The following BECN1 variants were observed in gnomAD, a reference collection of about 807,000 sequenced individuals.
BECN1 encodes beclin 1.
BECN1 carries 15 observed loss-of-function variants against 60.1 expected under a neutral mutation model. The ratio of observed to expected loss-of-function variants is 0.25; its 90% confidence interval spans 0.17 to 0.38. The LOEUF (loss-of-function observed/expected upper bound fraction) is 0.38, where lower values mean the gene tolerates loss of function less well. Ranked by LOEUF, BECN1 falls within the 10% of genes least tolerant of loss-of-function variation. The pLI is 1.00. For synonymous variants in BECN1, 179 were observed against 201.8 expected, an observed-to-expected ratio of 0.89 and a Z score of 0.96; for missense variants, 424 against 548.2, an observed-to-expected ratio of 0.77 and a Z score of 2.26.
chr17:42,812,049 T>G, intron 10 of BECN1: 1 of 436,342 alleles, frequency 2.3e-6, no homozygotes. Context: ...AAAATCCAAA[T>G]TGCTACAAAA....
chr17:42,814,287 A>C (rs1276320969), intron 9 of BECN1: 3 of 590,590 alleles, frequency 5.1e-6, no homozygotes, highest in Non-Finnish European at 8.7e-6. Context: ...AGGAACACTA[A>C]GGCTCTGGGG....
At position 42,820,830 on chromosome 17, in the gene BECN1, T is replaced by C; in HGVS notation, c.142A>G (p.Thr48Ala). 1.3e-6 allele frequency: 2 copies of C among 1,598,052 alleles called. No individual in the cohort carries two copies. Among genetic ancestry groups the C allele is most frequent in the Non-Finnish European group, 1.7e-6 (2 of 1,171,332 alleles). Reference sequence around the variant, plus strand: ...TCTCCTGGTTTCGCCTGGGCTGTGGTAAGTAATGGAGCTAAGGGCAAGGAA... The same window carrying C: ...TCTCCTGGTTTCGCCTGGGCTGTGGCAAGTAATGGAGCTAAGGGCAAGGAA... ...TIQELTAPLL[T>A]TAQAKPGETQ... Residue 48 changes from threonine (T) to alanine (A), a missense_variant, in exon 3 of 12, where the codon ACC (threonine) becomes GCC (alanine). Thr to Ala is a moderately conservative substitution (Grantham distance 58, BLOSUM62 0). Around this residue, in one of 3 missense-constraint regions of BECN1, gnomAD observed 96 missense variants for 125.6 expected, o/e 0.76. Coordinates refer to ENST00000590099, the MANE Select transcript of BECN1 (RefSeq NM_001313998.2).
chr17:42,817,316 A>C (rs1009458450), intron 7 of BECN1, among the ~76,000 whole-genome samples: 1 of 152,056 alleles, frequency 6.6e-6, no homozygotes, highest in Non-Finnish European at 1.5e-5. Context: ...AAAACAAAAA[A>C]ACAGTGGCTT....
intron 8 of BECN1, among the ~76,000 whole-genome samples, chr17:42,815,334 C>A (rs1385681993): frequency 6.6e-6 from 1 of 152,020 alleles, no homozygotes; most frequent in Non-Finnish European, 1.5e-5. Context: ...CTGCTAGGAA[C>A]AACCCCCTCT....
At chr17:42,819,701 T>C in intron 3 of BECN1, 92 bp from the exon 4 acceptor site, 1 of 1,283,510 alleles carries the variant, frequency 7.8e-7, no homozygotes, top group South Asian at 1.3e-5. Context: ...GCTTTAGTCT[T>C]GATAACCACA....
At chr17:42,823,567 A>G in intron 2 of BECN1, 181 bp downstream of exon 2, 1 of 919,376 alleles carries the variant, frequency 1.1e-6, no homozygotes, top group African/African-American at 1.7e-5. Flanking sequence ...AAGCTCTCAG[A>G]AGTCCACAAT....
chr17:42,814,100 G>A, intron 9 of BECN1, 92 bp from the exon 10 acceptor site: 2 of 854,804 alleles, frequency 2.3e-6, no homozygotes, highest in Non-Finnish European at 3.6e-6. Context: ...TCTTCATTCT[G>A]GCCAAGGGCT....
chr17:42,823,502 C>T (rs898197610), intron 2 of BECN1, among the ~76,000 whole-genome samples: 1 of 152,212 alleles, frequency 6.6e-6, no homozygotes, highest in Non-Finnish European at 1.5e-5. Flanking sequence ...GATCTGCCCG[C>T]CTCGGTCTCC....
At position 42,818,391 on chromosome 17, in the gene BECN1, T is replaced by C. The variant is rs552940321; in HGVS notation, c.513A>G (p.Gln171=). ...ACTGTTCACTGTCATCCTCATTCAT[T>C]TGCTCTAAGATCTCCAAACAGCGTC... The part of the protein sequence containing the change: ...NYKRCLEILE[Q]MNEDDSEQLQ... Residue 171 remains glutamine, a synonymous_variant, in exon 7 of 12, where the codon CAA becomes CAG. Transcript: ENST00000590099. 1 of 1,614,226 alleles carries C rather than the reference T, an allele frequency of 6.2e-7. No individual in the cohort carries two copies. Among genetic ancestry groups the C allele is most frequent in the African/African-American group, 1.3e-5 (1 of 75,054 alleles).
chr17:42,823,268 T>A (rs1319808647), intron 2 of BECN1, among the ~76,000 whole-genome samples: 1 of 152,206 alleles, frequency 6.6e-6, no homozygotes, highest in Non-Finnish European at 1.5e-5. Context: ...AAGCTCTCTT[T>A]TTTTGAGACG....
chr17:42,814,845 C>T (rs2055112025), intron 8 of BECN1, 172 bp from the exon 9 acceptor site: 2 of 821,180 alleles, frequency 2.4e-6, no homozygotes, highest in Admixed American at 2.8e-5. Flanking sequence ...TTTTTCCCTG[C>T]TGCTCAGATG....
intron 10 of BECN1, chr17:42,812,679 C>T (rs2055046975): frequency 6.6e-6 from 1 of 151,448 alleles, no homozygotes; most frequent in Non-Finnish European, 1.5e-5. Flanking sequence ...CGAGATCACG[C>T]CACTGCACTC....
intron 9 of BECN1, 175 bp from the exon 10 acceptor site, chr17:42,814,183 A>C (rs2055097228): frequency 1.8e-6 from 1 of 554,608 alleles, no homozygotes; most frequent in Non-Finnish European, 3.1e-6. Context: ...TTTAATGAAC[A>C]AACTACATTT....
intron 10 of BECN1, chr17:42,812,501 C>G (rs1328826358): frequency 6.6e-6 from 1 of 151,864 alleles, no homozygotes; most frequent in East Asian, 1.9e-4. Context: ...ATCATGAGGT[C>G]AGGAGATCAA....
chr17:42,819,633 T>A lies in BECN1; in HGVS notation c.199-24A>T, dbSNP rs368028580. The A allele has an allele frequency of 2.5e-6, 4 of 1,611,042 alleles. No individual in the cohort carries two copies. In the African/African-American group the frequency reaches 5.3e-5, roughly 22 times the overall value. ...TCCTGGGAAAGAAATAAGAGGGCAT[T>A]ACAACTCTGGCAGCTTAGAGGTAGA... On this transcript the variant is annotated intron_variant, in intron 3 of 11. Coordinates refer to ENST00000590099, the MANE Select transcript of BECN1 (RefSeq NM_001313998.2).
chr17:42,816,424 G>T (rs1234902877), intron 7 of BECN1, among the ~76,000 whole-genome samples: 1 of 152,024 alleles, frequency 6.6e-6, no homozygotes, highest in Non-Finnish European at 1.5e-5. Flanking sequence ...GGCCAAGACG[G>T]GTGGATAACT....
chr17:42,821,684 T>C (rs899260154), intron 2 of BECN1, among the ~76,000 whole-genome samples: 1 of 152,208 alleles, frequency 6.6e-6, no homozygotes, highest in Admixed American at 6.5e-5. Context: ...TTGTCAAAAA[T>C]GTACAGCTAA....
intron 7 of BECN1, 107 bp from the exon 8 acceptor site, chr17:42,816,161 T>G: frequency 1.7e-6 from 2 of 1,197,298 alleles, no homozygotes; most frequent in Non-Finnish European, 2.3e-6. Flanking sequence ...CATCTAGCTC[T>G]CGCATCTTTT....
chr17:42,811,476 T>C, intron 11 of BECN1, 179 bp downstream of exon 11: 1 of 654,596 alleles, frequency 1.5e-6, no homozygotes. Flanking sequence ...AAGGACTAGG[T>C]GGTCACATTC....
Sources: gnomAD v4.1 joint callset for allele counts (sites outside exome capture counted in the v4.1 genomes callset) on GRCh38, gnomAD v4.1.1 for gene constraint, gnomAD v4.1.1 regional missense constraint, MANE v1.5 for transcripts, NCBI Gene and HGNC (gene_info 2026-07-23, HGNC 2026-07-21) for gene names.